Variants in ADCY9 observed in about 807,000 individuals in gnomAD.
ADCY9 encodes adenylate cyclase 9.
Under a neutral mutation model 101.5 loss-of-function variants are expected in ADCY9, and 50 were observed. The ratio of observed to expected loss-of-function variants is 0.49; its 90% CI spans 0.39 to 0.62. The LOEUF (loss-of-function observed/expected upper bound fraction) is 0.62. Among genes scored for constraint, ADCY9 ranks in the 20% least tolerant of loss-of-function variants. The pLI is 0.00. For missense variants in ADCY9, 1,662 were observed against 1,800.4 expected (o/e 0.92, Z 1.39); for synonymous variants, 905 against 769.3 (o/e 1.18, Z -2.92).
Position 3,954,525 on chromosome 16 carries a change from G to A in ADCY9, c.568-1009C>T, listed in dbSNP as rs558908561. Among the ~76,000 whole-genome samples, 124 of 152,336 alleles carry A rather than the reference G, an allele frequency of 8.1e-4. 2 individuals carry two copies. The South Asian group carries it at 0.016, about 19-fold the overall frequency. ...AACCAGAAGGGACCTCCGGGACTTAGTGGCAGCTTACAGGGAATGGCTAGG... is the reference window on the plus strand; with the variant it reads ...AACCAGAAGGGACCTCCGGGACTTAATGGCAGCTTACAGGGAATGGCTAGG... On this transcript the variant is annotated intron_variant, in intron 5 of 5. Transcript: ENST00000576936.
chr16:3,959,379 AAAAT>A (rs1472530874), downstream of ADCY9, among the ~76,000 whole-genome samples: 1 of 136,368 alleles, frequency 7.3e-6, no homozygotes, highest in African/African-American at 2.5e-5. Context: ...AAAAAAAAAA[AAAAT>A]GTCCGTACTT....
chr16:3,988,887 C>A, intron 6 of ADCY9, 107 bp downstream of exon 6: 1 of 834,138 alleles, frequency 1.2e-6, no homozygotes, highest in Non-Finnish European at 2.0e-6. Flanking sequence ...AATCAATGTT[C>A]GCCTTCGTGT....
At chr16:4,092,077 T>C (rs995605871) in intron 2 of ADCY9, among the ~76,000 whole-genome samples, 1 of 152,252 alleles carries the variant, frequency 6.6e-6, no homozygotes, top group Non-Finnish European at 1.5e-5. Flanking sequence ...AAGGCCAGCC[T>C]GGCCAACATG....
At position 3,983,220 on chromosome 16, in the gene ADCY9, C is replaced by A. The variant is rs370412833; in HGVS notation, c.2519+12G>T. ...GGCTCAGAGCTGGAGACCCAGTCCA[C>A]GCGGCGCTTACCTGATGGACACCGC... On this transcript the variant is annotated intron_variant, in intron 7 of 10. Coordinates refer to ENST00000294016, the MANE Select transcript of ADCY9 (RefSeq NM_001116.4). 1.3e-6 allele frequency: 2 copies of A among 1,545,216 alleles called. No homozygotes were observed. Among genetic ancestry groups the A allele is most frequent in the African/African-American group, 2.7e-5 (2 of 72,966 alleles).
At chr16:4,110,365 A>T (rs2057105870) in intron 2 of ADCY9, among the ~76,000 whole-genome samples, 1 of 142,236 alleles carries the variant, frequency 7.0e-6, no homozygotes. Flanking sequence ...TTGCAATCAT[A>T]CTTATACCTA....
At chr16:3,957,339 C>T (rs1295634436) in intron 5 of ADCY9, among the ~76,000 whole-genome samples, 2 of 152,206 alleles carry the variant, frequency 1.3e-5, no homozygotes, top group African/African-American at 4.8e-5. Context: ...AAAAGCATAG[C>T]ATAACAGCAG....
At chr16:4,077,612 AT>A (rs891483248) in intron 2 of ADCY9, among the ~76,000 whole-genome samples, 1 of 152,162 alleles carries the variant, frequency 6.6e-6, no homozygotes, top group African/African-American at 2.4e-5. Flanking sequence ...TTTCAGTCCA[AT>A]TTTTTAAAAT....
rs546851177 is a variant in ADCY9, at chr16:3,963,646, C to T, written c.*2129G>A. The T allele has an allele frequency of 1.2e-3, 381 of 308,920 alleles. 2 individuals are homozygous for T. Among genetic ancestry groups the T allele is most frequent in the Non-Finnish European group, 1.8e-3 (313 of 169,488 alleles). The allele number at this position is 308,920 out of a possible 1,614,324, so 19.1% of individuals were successfully genotyped here. A position where few individuals can be genotyped will look rare whatever the true frequency, so the allele number is the denominator to read the frequency against. On this transcript the variant is annotated 3_prime_UTR_variant, in exon 11 of 11. Coordinates refer to ENST00000294016, the MANE Select transcript of ADCY9 (RefSeq NM_001116.4). ...GGGCTTGATGGGGAAGAAGTGTGTG[C>T]GGAGAACTTTGCGGAGCATGTTCTG...
At chr16:4,053,737 G>C (rs905039130) in intron 2 of ADCY9, among the ~76,000 whole-genome samples, 2 of 152,188 alleles carry the variant, frequency 1.3e-5, no homozygotes, top group East Asian at 1.9e-4. Context: ...CGGAGGCCTG[G>C]GACGCAGCCA....
In ADCY9 at chr16:4,081,909, G is replaced by A. The variant is rs1012890289; in HGVS notation, c.1693+31841C>T. ...GGAGTCTTGGAGAAGGGAGGGGTGC[G>A]GAGGGGCACTGCCTTGTGAGGTCAC... On this transcript the variant is annotated intron_variant, in intron 2 of 10. Coordinates refer to ENST00000294016, the MANE Select transcript of ADCY9 (RefSeq NM_001116.4). 7.9e-5 allele frequency among the ~76,000 whole-genome samples: 12 copies of A among 151,916 alleles called. No homozygotes were observed. In the East Asian group the frequency reaches 1.6e-3, roughly 20 times the overall value.
chr16:4,068,736 G>A (rs538466055), intron 2 of ADCY9, among the ~76,000 whole-genome samples: 1 of 151,014 alleles, frequency 6.6e-6, no homozygotes, highest in African/African-American at 2.4e-5. Context: ...AGAATGGTGT[G>A]AACCCAGGAG....
chr16:4,054,478 T>C (rs1371639377), intron 2 of ADCY9, among the ~76,000 whole-genome samples: 1 of 152,158 alleles, frequency 6.6e-6, no homozygotes, highest in Non-Finnish European at 1.5e-5. Context: ...TTCCTATTAC[T>C]CTCTGCCCAT....
chr16:4,082,090 C>T (rs1246239280), intron 2 of ADCY9, among the ~76,000 whole-genome samples: 2 of 151,978 alleles, frequency 1.3e-5, no homozygotes, highest in Non-Finnish European at 2.9e-5. Context: ...TAAAATGCTG[C>T]ATGAAGGTTG....
At chr16:3,956,058 T>C (rs1167936329) in intron 5 of ADCY9, among the ~76,000 whole-genome samples, 2 of 151,962 alleles carry the variant, frequency 1.3e-5, no homozygotes, top group South Asian at 2.1e-4. Flanking sequence ...AGAAAAAATT[T>C]CTACAAGATT....
chr16:4,089,155 A>G (rs149261685), intron 2 of ADCY9, among the ~76,000 whole-genome samples: 4,462 of 150,970 alleles, frequency 0.03, 211 homozygotes, highest in African/African-American at 0.1. Context: ...GCTCACTGCA[A>G]CCTCCACCTC....
intron 3 of ADCY9, among the ~76,000 whole-genome samples, chr16:3,999,109 C>T (rs1258931122): frequency 2.0e-5 from 3 of 152,194 alleles, no homozygotes; most frequent in African/African-American, 7.2e-5. Flanking sequence ...CATCTCCACC[C>T]CTGCTGAGAA....
chr16:4,058,734 G>A, intron 2 of ADCY9, among the ~76,000 whole-genome samples: 1 of 152,108 alleles, frequency 6.6e-6, no homozygotes, highest in Non-Finnish European at 1.5e-5. Context: ...GCTGCAAAAG[G>A]TGCAGCGGAA....
intron 3 of ADCY9, among the ~76,000 whole-genome samples, chr16:4,004,384 G>T (rs988757779): frequency 6.6e-6 from 1 of 151,968 alleles, no homozygotes; most frequent in African/African-American, 2.4e-5. Flanking sequence ...CAGTACACAG[G>T]TTATGTTACA....
Position 3,983,325 on chromosome 16 carries a change from T to C in ADCY9, c.2426A>G (p.Tyr809Cys), listed in dbSNP as rs201102758. 1.7e-5 allele frequency: 27 copies of C among 1,581,844 alleles called. No individual in the cohort carries two copies. The African/African-American group carries it at 3.2e-4, about 19-fold the overall frequency. ...CGGGGGAGGCACGGTGGCCGCCTCG[T>C]ACTTCAGGAAGCAGGTGGTGGACAG... Reference protein sequence around the residue: ...LTLSTTCFLKYEAATVPPPPA... With the variant: ...LTLSTTCFLKCEAATVPPPPA... The change falls in exon 7 of 11, where the codon TAC becomes TGC. Residue 809 changes from tyrosine to cysteine, a missense_variant. By Grantham distance (194) the Tyr-to-Cys change is radical. Transcript: ENST00000294016.
Sources: allele counts gnomAD v4.1 joint callset (sites outside exome capture counted in the v4.1 genomes callset), GRCh38; gene constraint gnomAD v4.1.1; transcripts MANE v1.5; gene names NCBI Gene and HGNC (gene_info 2026-07-23, HGNC 2026-07-21).